Variants in FRMD4A observed in about 807,000 individuals in gnomAD.
FRMD4A encodes the protein FERM domain-containing protein 4A.
A neutral mutation model predicts 129.1 loss-of-function variants in FRMD4A; 29 were observed. The observed-to-expected ratio is 0.22, with a 90% CI of 0.17 to 0.31. The LOEUF (loss-of-function observed/expected upper bound fraction) is 0.31. Among genes scored for constraint, FRMD4A ranks in the 10% least tolerant of loss-of-function variants. The pLI, the probability that FRMD4A is intolerant of heterozygous loss-of-function variation, is 1.00. For synonymous variants in FRMD4A, 634 were observed against 571.6 expected (o/e 1.11, Z -1.56); for missense variants, 1,272 against 1,375.8 (o/e 0.92, Z 1.19).
chr10:14,040,855 G>A (rs143503495), intron 2 of FRMD4A, among the ~76,000 whole-genome samples: 249 of 152,316 alleles, frequency 1.6e-3, no homozygotes, highest in Non-Finnish European at 2.6e-3. Context: ...TCCATTTAAT[G>A]AGGTGTTGAA....
intron 2 of FRMD4A, among the ~76,000 whole-genome samples, chr10:14,211,548 G>A (rs1015111427): frequency 6.6e-6 from 1 of 152,110 alleles, no homozygotes; most frequent in Non-Finnish European, 1.5e-5. Context: ...TCAAGAGCCA[G>A]TTCCTATTTC....
intron 14 of FRMD4A, among the ~76,000 whole-genome samples, chr10:13,698,034 C>T (rs2086396342): frequency 6.9e-6 from 1 of 145,512 alleles, no homozygotes; most frequent in African/African-American, 2.5e-5. Context: ...CCTCCCTCCG[C>T]CCTGTCTTAG....
chr10:14,241,499 T>C (rs1436927934), intron 2 of FRMD4A, among the ~76,000 whole-genome samples: 1 of 152,002 alleles, frequency 6.6e-6, no homozygotes, highest in Non-Finnish European at 1.5e-5. Flanking sequence ...TATGAGTTTA[T>C]TTTTAATTCT....
intron 12 of FRMD4A, among the ~76,000 whole-genome samples, chr10:13,714,021 A>AATATATATATATATAAAATATATATTTT: frequency 0.019 from 28 of 1,468 alleles, no homozygotes; most frequent in African/African-American, 0.035. Flanking sequence ...ACATATATAA[A>AATATATATATATATAAAATATATATTTT]ATATACATAT....
chr10:14,029,407 G>C (rs1833130718), intron 2 of FRMD4A, among the ~76,000 whole-genome samples: 1 of 151,942 alleles, frequency 6.6e-6, no homozygotes, highest in Admixed American at 6.6e-5. Context: ...TGCTTCAAAC[G>C]CATGAGTGCT....
chr10:13,879,615 A>G (rs1345141464), intron 2 of FRMD4A, among the ~76,000 whole-genome samples: 2 of 152,196 alleles, frequency 1.3e-5, no homozygotes, highest in African/African-American at 2.4e-5. Flanking sequence ...GTACAATGGC[A>G]CATCTCAACA....
At chr10:14,222,752 T>G (rs2036754259) in intron 2 of FRMD4A, among the ~76,000 whole-genome samples, 1 of 152,146 alleles carries the variant, frequency 6.6e-6, no homozygotes, top group Admixed American at 6.6e-5. Context: ...TTGTTTATTG[T>G]TGATTTCAAG....
At chr10:13,972,228 G>A in intron 2 of FRMD4A, 2 of 1,002,240 alleles carry the variant, frequency 2.0e-6, no homozygotes, top group Non-Finnish European at 2.4e-6. Context: ...GGGTGAGAAA[G>A]CTAAGAGCAG....
chr10:13,895,338 A>T (rs2094745224), intron 2 of FRMD4A, among the ~76,000 whole-genome samples: 1 of 152,106 alleles, frequency 6.6e-6, no homozygotes, highest in Non-Finnish European at 1.5e-5. Context: ...AACATGCAGA[A>T]TTTGGTTTCT....
chr10:14,234,994 T>C (rs942733851), intron 2 of FRMD4A, among the ~76,000 whole-genome samples: 1 of 152,184 alleles, frequency 6.6e-6, no homozygotes, highest in African/African-American at 2.4e-5. Context: ...TGCTCGTTCC[T>C]TTTTTCTTAT....
chr10:14,283,094 C>T (rs1217059491), intron 2 of FRMD4A, among the ~76,000 whole-genome samples: 1 of 152,240 alleles, frequency 6.6e-6, no homozygotes, highest in African/African-American at 2.4e-5. Flanking sequence ...TTCCAGGCAT[C>T]AGCCTGAAGC....
chr10:14,187,813 T>TAC (rs1842195680), intron 2 of FRMD4A, among the ~76,000 whole-genome samples: 17 of 152,216 alleles, frequency 1.1e-4, no homozygotes, highest in Non-Finnish European at 1.6e-4. Flanking sequence ...GGAAATTTGG[T>TAC]TTTCTTTGAT....
chr10:13,888,082 G>A (rs1351397545), intron 2 of FRMD4A, among the ~76,000 whole-genome samples: 1 of 152,170 alleles, frequency 6.6e-6, no homozygotes, highest in Non-Finnish European at 1.5e-5. Flanking sequence ...AGTTCCAAGA[G>A]CTATTGTACC....
intron 2 of FRMD4A, among the ~76,000 whole-genome samples, chr10:14,136,461 G>A (rs901610272): frequency 6.6e-6 from 1 of 152,118 alleles, no homozygotes; most frequent in Non-Finnish European, 1.5e-5. Flanking sequence ...ACAAATACAT[G>A]TCTGATGGCT....
intron 2 of FRMD4A, among the ~76,000 whole-genome samples, chr10:14,195,172 C>T (rs1242823387): frequency 6.6e-6 from 1 of 152,152 alleles, no homozygotes; most frequent in Non-Finnish European, 1.5e-5. Context: ...CCTTGGCATT[C>T]CCTTTTATGT....
intron 2 of FRMD4A, among the ~76,000 whole-genome samples, chr10:14,308,780 C>A (rs1846437669): frequency 7.1e-6 from 1 of 140,386 alleles, no homozygotes; most frequent in Non-Finnish European, 1.7e-5. Context: ...CAAACCAGTC[C>A]CCCATAATCA....
chr10:14,066,470 G>C (rs755664901), intron 2 of FRMD4A, among the ~76,000 whole-genome samples: 2 of 152,118 alleles, frequency 1.3e-5, no homozygotes, highest in Non-Finnish European at 2.9e-5. Flanking sequence ...AATCTGGATA[G>C]AGAGAATGAG....
intron 2 of FRMD4A, among the ~76,000 whole-genome samples, chr10:14,127,151 G>T (rs1047111826): frequency 6.6e-6 from 1 of 152,200 alleles, no homozygotes; most frequent in Non-Finnish European, 1.5e-5. Flanking sequence ...GTCTGCCCCT[G>T]GGAAGTGTTA....
intron 2 of FRMD4A, among the ~76,000 whole-genome samples, chr10:14,235,865 C>T (rs1843794798): frequency 6.6e-6 from 1 of 152,230 alleles, no homozygotes; most frequent in Non-Finnish European, 1.5e-5. Flanking sequence ...GCACAGACCA[C>T]AATTCCCGTG....
Sources: gnomAD v4.1 joint callset for allele counts (sites outside exome capture counted in the v4.1 genomes callset) on GRCh38, gnomAD v4.1.1 for gene constraint, MANE v1.5 for transcripts, NCBI Gene and HGNC (gene_info 2026-07-23, HGNC 2026-07-21) for gene names.